DTNBP1: variants seen among roughly 807,000 people sequenced by gnomAD.
The protein encoded by DTNBP1 is dystrobrevin binding protein 1, also known as dysbindin.
DTNBP1 carries 35 observed loss-of-function variants against 42.8 expected under a neutral mutation model. The ratio of observed to expected loss-of-function variants is 0.82; its 90% CI spans 0.63 to 1.09. The LOEUF (loss-of-function observed/expected upper bound fraction) is 1.09, where lower values mean the gene tolerates loss of function less well. Among genes scored for constraint, DTNBP1 ranks in the 50% least tolerant of loss-of-function variants. DTNBP1 has a pLI of 0.00. For missense variants in DTNBP1, 457 were observed against 424.2 expected, an observed-to-expected ratio of 1.08 and a Z score of -0.68; for synonymous variants, 171 against 162.2, an observed-to-expected ratio of 1.05 and a Z score of -0.41.
intron 3 of DTNBP1, among the ~76,000 whole-genome samples, chr6:15,647,570 A>C (rs1416227744): frequency 6.6e-6 from 1 of 151,880 alleles, no homozygotes; most frequent in Non-Finnish European, 1.5e-5. Context: ...TAAGAAAAAA[A>C]AAAAGACTCA....
intron 7 of DTNBP1, among the ~76,000 whole-genome samples, chr6:15,551,579 T>C (rs1349448637): frequency 6.6e-6 from 1 of 152,096 alleles, no homozygotes; most frequent in Non-Finnish European, 1.5e-5. Flanking sequence ...ACATCTCAGC[T>C]CGACTGCCCC....
At position 15,658,748 on chromosome 6, in the gene DTNBP1, C is replaced by A. The variant is rs2619518; in HGVS notation, c.56+4066G>T. Among the ~76,000 whole-genome samples the A allele has an allele frequency of 4.1e-3, 632 of 152,294 alleles. 4 individuals carry two copies. The highest frequency in any genetic ancestry group is 0.014 in the African/African-American group (580 of 41,544). ...GTACTTTGGTATGTCCAAAAGTCTT[C>A]CCCAGAGCTCAAGCCAATCTCTGTA... is the stretch of plus-strand genomic sequence containing the variant. On this transcript the variant is annotated intron_variant, in intron 1 of 9. Coordinates refer to ENST00000344537, the MANE Select transcript of DTNBP1 (RefSeq NM_032122.5).
chr6:15,544,519 C>A (rs1044065502), intron 7 of DTNBP1, among the ~76,000 whole-genome samples: 2 of 152,198 alleles, frequency 1.3e-5, no homozygotes, highest in African/African-American at 4.8e-5. Context: ...CATTTTACAT[C>A]CCCATCATCA....
chr6:15,545,002 A>C (rs868340214), intron 7 of DTNBP1, among the ~76,000 whole-genome samples: 1 of 152,344 alleles, frequency 6.6e-6, no homozygotes, highest in Middle Eastern at 3.4e-3. Context: ...AAAATACACA[A>C]TATTTCCTTG....
Position 15,581,804 on chromosome 6 carries a change from A to G in DTNBP1, c.511+11255T>C, listed in dbSNP as rs142890802. ...AGAAATTCTTTTAAAACTGTTACGC[A>G]GAAATCAGCATCTGCAATAGAGAAG... On this transcript the variant is annotated intron_variant, in intron 7 of 9. Transcript: ENST00000344537. Among the ~76,000 whole-genome samples the G allele has an allele frequency of 2.0e-3, 307 of 152,308 alleles. 2 individuals carry two copies. The highest frequency in any genetic ancestry group is 6.7e-3 in the African/African-American group (280 of 41,578).
At chr6:15,604,636 G>C (rs1033107415) in intron 6 of DTNBP1, among the ~76,000 whole-genome samples, 1 of 152,052 alleles carries the variant, frequency 6.6e-6, no homozygotes, top group African/African-American at 2.4e-5. Context: ...TTAGTCTCTA[G>C]AACATACACT....
intron 7 of DTNBP1, among the ~76,000 whole-genome samples, chr6:15,541,062 G>A (rs1773532393): frequency 6.6e-6 from 1 of 152,128 alleles, no homozygotes; most frequent in Non-Finnish European, 1.5e-5. Context: ...TCATTTCAGA[G>A]CCCTTTTTGT....
At chr6:15,536,107 A>G (rs1473657765) in intron 7 of DTNBP1, among the ~76,000 whole-genome samples, 1 of 152,226 alleles carries the variant, frequency 6.6e-6, no homozygotes. Flanking sequence ...AGATAGTTTG[A>G]ACTTGGAGCT....
intron 6 of DTNBP1, among the ~76,000 whole-genome samples, chr6:15,595,538 A>G (rs1776484459): frequency 6.6e-6 from 1 of 152,152 alleles, no homozygotes; most frequent in South Asian, 2.1e-4. Context: ...AAGTCCTGGG[A>G]TTACAGGCAT....
Position 15,585,819 on chromosome 6 carries a change from G to C in DTNBP1, c.511+7240C>G, listed in dbSNP as rs1207365809. On this transcript the variant is annotated intron_variant, in intron 7 of 9. Transcript: ENST00000344537. ...CAGTGCTGGTCAAGTGAAGCCTCCA[G>C]TTACCAGGCAGCTGCCCTCACGTGC... 45 of 1,507,162 alleles carry C rather than the reference G, an allele frequency of 3.0e-5. No homozygotes were observed. The East Asian group carries it at 9.2e-4, about 31-fold the overall frequency. 93.4% of individuals were successfully genotyped at this position (1,507,162 alleles called of 1,614,324 possible). A position where few individuals can be genotyped will look rare whatever the true frequency, so the allele number is the denominator to read the frequency against.
At chr6:15,608,933 G>C (rs946199865) in intron 6 of DTNBP1, among the ~76,000 whole-genome samples, 1 of 152,026 alleles carries the variant, frequency 6.6e-6, no homozygotes, top group Non-Finnish European at 1.5e-5. Flanking sequence ...GCACTTCATG[G>C]GCTCTTTTAA....
intron 4 of DTNBP1, among the ~76,000 whole-genome samples, chr6:15,633,750 A>G (rs188476030): frequency 3.9e-5 from 6 of 152,122 alleles, no homozygotes; most frequent in East Asian, 1.9e-4. Flanking sequence ...AACCACCCCA[A>G]CCTTCAGTAA....
chr6:15,596,279 T>C (rs563719319), intron 6 of DTNBP1, among the ~76,000 whole-genome samples: 1 of 152,202 alleles, frequency 6.6e-6, no homozygotes, highest in East Asian at 1.9e-4. Flanking sequence ...GGTTTGGAAA[T>C]TGCTGAAACA....
chr6:15,544,573 C>A (rs1251129695), intron 7 of DTNBP1, among the ~76,000 whole-genome samples: 1 of 152,208 alleles, frequency 6.6e-6, no homozygotes, highest in Non-Finnish European at 1.5e-5. Flanking sequence ...CCAGCATTTG[C>A]TGGGACTTAC....
chr6:15,632,474 T>G (rs1465929265), intron 4 of DTNBP1, among the ~76,000 whole-genome samples: 2 of 152,154 alleles, frequency 1.3e-5, no homozygotes, highest in Non-Finnish European at 2.9e-5. Context: ...ACATGAAAAA[T>G]TAAAAGTTGT....
chr6:15,524,397 G>A (rs1199659619), intron 9 of DTNBP1, 129 bp downstream of exon 9: 12 of 1,614,128 alleles, frequency 7.4e-6, no homozygotes, highest in African/African-American at 2.7e-5. Flanking sequence ...GGGTTAGGGA[G>A]CCAGGAGCTG....
At chr6:15,609,065 A>C (rs1381512116) in intron 6 of DTNBP1, among the ~76,000 whole-genome samples, 1 of 152,026 alleles carries the variant, frequency 6.6e-6, no homozygotes, top group African/African-American at 2.4e-5. Flanking sequence ...CATGGGACTT[A>C]TGAATTATCT....
chr6:15,567,489 CAAACAAA>C, intron 7 of DTNBP1, among the ~76,000 whole-genome samples: 1 of 144,514 alleles, frequency 6.9e-6, no homozygotes, highest in African/African-American at 2.5e-5. Context: ...AACAAACAAA[CAAACAAA>C]CCTTGGTCTC....
intron 7 of DTNBP1, among the ~76,000 whole-genome samples, chr6:15,572,316 A>G (rs1464670007): frequency 1.3e-5 from 2 of 152,252 alleles, no homozygotes; most frequent in African/African-American, 4.8e-5. Flanking sequence ...ACAGCTTTTC[A>G]GCAGCCTGAG....
Sources: allele counts gnomAD v4.1 joint callset (sites outside exome capture counted in the v4.1 genomes callset), GRCh38; gene constraint gnomAD v4.1.1; transcripts MANE v1.5; gene names NCBI Gene and HGNC (gene_info 2026-07-23, HGNC 2026-07-21).